CNTNAP2: variants seen among roughly 807,000 people sequenced by gnomAD.
CNTNAP2 encodes contactin associated protein 2, also known as contactin-associated protein-like 2.
A neutral mutation model predicts 155.2 loss-of-function variants in CNTNAP2; 98 were observed. The ratio of observed to expected loss-of-function variants is 0.63; its 90% confidence interval spans 0.54 to 0.75. The LOEUF (loss-of-function observed/expected upper bound fraction) is 0.75. Ranked by LOEUF, CNTNAP2 falls within the 30% of genes least tolerant of loss-of-function variation. The pLI, the probability that CNTNAP2 is intolerant of heterozygous loss-of-function variation, is 0.00. For missense variants in CNTNAP2, 1,727 were observed against 1,688.1 expected, an observed-to-expected ratio of 1.02 and a Z score of -0.40; for synonymous variants, 651 against 631.2, an observed-to-expected ratio of 1.03 and a Z score of -0.47.
intron 11 of CNTNAP2, among the ~76,000 whole-genome samples, chr7:147,508,234 C>T (rs1798948776): frequency 6.6e-6 from 1 of 152,118 alleles, no homozygotes; most frequent in Non-Finnish European, 1.5e-5. Context: ...TCAAGCTTGG[C>T]ATATTGAAAA....
chr7:146,370,281 A>C (rs1294142895), intron 1 of CNTNAP2, among the ~76,000 whole-genome samples: 2 of 145,186 alleles, frequency 1.4e-5, no homozygotes, highest in Non-Finnish European at 3.0e-5. Flanking sequence ...AAAAAAAAAA[A>C]AAAAAAAATT....
chr7:147,543,556 C>A (rs1799676714), intron 11 of CNTNAP2, among the ~76,000 whole-genome samples: 2 of 152,294 alleles, frequency 1.3e-5, no homozygotes, highest in Admixed American at 1.3e-4. Context: ...TTCTGTTTTG[C>A]ATTCTCATTC....
At chr7:148,197,162 A>G (rs1329500525) in intron 18 of CNTNAP2, among the ~76,000 whole-genome samples, 1 of 152,246 alleles carries the variant, frequency 6.6e-6, no homozygotes, top group Non-Finnish European at 1.5e-5. Context: ...TACTTCAAAT[A>G]GCATTCATCA....
At chr7:148,336,392 T>C (rs112511038) in intron 21 of CNTNAP2, among the ~76,000 whole-genome samples, 9 of 152,042 alleles carry the variant, frequency 5.9e-5, no homozygotes, top group African/African-American at 2.2e-4. Flanking sequence ...GCAGTTGATA[T>C]GCTTCTCAGA....
chr7:146,390,102 T>G (rs1795518834), intron 1 of CNTNAP2, among the ~76,000 whole-genome samples: 1 of 152,160 alleles, frequency 6.6e-6, no homozygotes, highest in African/African-American at 2.4e-5. Flanking sequence ...TATTTTACTT[T>G]TAGTAAATAT....
At chr7:147,113,058 T>A (rs1800915143) in intron 5 of CNTNAP2, among the ~76,000 whole-genome samples, 1 of 152,046 alleles carries the variant, frequency 6.6e-6, no homozygotes, top group Non-Finnish European at 1.5e-5. Context: ...CTGCCTCAAT[T>A]TCAGAAGTCA....
intron 1 of CNTNAP2, among the ~76,000 whole-genome samples, chr7:146,130,610 T>TGA (rs1797699978): frequency 6.6e-6 from 1 of 152,238 alleles, no homozygotes. Flanking sequence ...AGCAAGCATT[T>TGA]TGAAGAGGCA....
chr7:146,290,864 A>G (rs891631198), intron 1 of CNTNAP2, among the ~76,000 whole-genome samples: 1 of 152,200 alleles, frequency 6.6e-6, no homozygotes, highest in Non-Finnish European at 1.5e-5. Flanking sequence ...TTGCAGTATC[A>G]ATGCCAAGAA....
In CNTNAP2 at chr7:146,976,874, G is replaced by T. The variant is rs149281560; in HGVS notation, c.403-67033G>T. Among the ~76,000 whole-genome samples, 848 of 152,268 alleles carry T rather than the reference G, an allele frequency of 5.6e-3. 8 individuals carry two copies. The highest frequency in any genetic ancestry group is 0.019 in the African/African-American group (803 of 41,546). ...GCTGTGCAGTATTCTTCTCTCCCAG[G>T]AATGGGGCAGGACTCCTGGAATGGG... is the stretch of plus-strand genomic sequence containing the variant. On this transcript the variant is annotated intron_variant, in intron 3 of 23. Coordinates refer to ENST00000361727, the MANE Select transcript of CNTNAP2 (RefSeq NM_014141.6).
rs398006723 is a variant in CNTNAP2 at position 148,235,685 on chromosome 7, A to ATTTTTT, written c.3381+5920_3381+5925dup. Among the ~76,000 whole-genome samples the ATTTTTT allele has an allele frequency of 1.2e-3, 152 of 121,860 alleles. 1 individual carries two copies. The highest frequency in any genetic ancestry group is 1.7e-3 in the Non-Finnish European group (105 of 61,344). The allele number at this position is 121,860 out of a possible 152,430, so 79.9% of individuals were successfully genotyped here. A position where few individuals can be genotyped will look rare whatever the true frequency, so the allele number is the denominator to read the frequency against. On this transcript the variant is annotated intron_variant, in intron 20 of 23. Transcript: ENST00000361727. ...TGCTCCTTACAGCTGTGCAGCAATT[A>ATTTTTT]TTTTTTTTTTTTTTTTTTTGAGACG...
chr7:146,863,415 G>T (rs1230520993), intron 3 of CNTNAP2, among the ~76,000 whole-genome samples: 1 of 152,066 alleles, frequency 6.6e-6, no homozygotes, highest in Non-Finnish European at 1.5e-5. Flanking sequence ...TCCAAGATAA[G>T]AGGTATGTCT....
chr7:147,769,235 C>T (rs923697050), intron 13 of CNTNAP2, among the ~76,000 whole-genome samples: 1 of 152,140 alleles, frequency 6.6e-6, no homozygotes, highest in Non-Finnish European at 1.5e-5. Flanking sequence ...ATAAACATTA[C>T]AATAACATTT....
rs79346166 is a variant in CNTNAP2, at chr7:146,693,791, C to T, written c.98-80480C>T. On this transcript the variant is annotated intron_variant, in intron 1 of 23. Transcript: ENST00000361727. ...TGTGCAGGTTTGTTGCGTATGTAAA[C>T]GTGTGCCATGGTGGTTTGTAGCACC... Among the ~76,000 whole-genome samples the T allele has an allele frequency of 4.2e-3, 641 of 152,066 alleles. 1 individual carries two copies. The highest frequency in any genetic ancestry group is 0.015 in the African/African-American group (614 of 41,480).
In CNTNAP2 at chr7:146,926,620, A is replaced by C. The variant is rs1796615237; in HGVS notation, c.402+86716A>C. 3.3e-5 allele frequency among the ~76,000 whole-genome samples: 5 copies of C among 152,256 alleles called. No individual in the cohort carries two copies. The South Asian group carries it at 1.0e-3, about 32-fold the overall frequency. On this transcript the variant is annotated intron_variant, in intron 3 of 23. Coordinates refer to ENST00000361727, the MANE Select transcript of CNTNAP2 (RefSeq NM_014141.6). ...ATTACCCAGGCTTGTGATCTCTGAA[A>C]TATTTTGTAGCTTTTGAATGTTATC...
chr7:147,613,454 G>A (rs1801224458), intron 12 of CNTNAP2, among the ~76,000 whole-genome samples: 1 of 152,070 alleles, frequency 6.6e-6, no homozygotes, highest in Non-Finnish European at 1.5e-5. Flanking sequence ...ATTCTTTATG[G>A]CATGTCGATG....
intron 8 of CNTNAP2, among the ~76,000 whole-genome samples, chr7:147,145,265 T>G (rs972569177): frequency 1.3e-5 from 2 of 152,148 alleles, no homozygotes; most frequent in Non-Finnish European, 2.9e-5. Flanking sequence ...TCGGTGGTTC[T>G]CAGCTAGGAG....
intron 12 of CNTNAP2, among the ~76,000 whole-genome samples, chr7:147,596,294 T>C (rs577685045): frequency 1.5e-4 from 23 of 152,312 alleles, no homozygotes; most frequent in African/African-American, 4.1e-4. Flanking sequence ...TAACTTCTAT[T>C]TTTTAAATTT....
intron 3 of CNTNAP2, among the ~76,000 whole-genome samples, chr7:146,982,111 T>C (rs1798029449): frequency 6.6e-6 from 1 of 152,138 alleles, no homozygotes; most frequent in East Asian, 1.9e-4. Context: ...AACATGTAAA[T>C]GGACCATGCA....
intron 9 of CNTNAP2, among the ~76,000 whole-genome samples, chr7:147,370,067 G>A (rs898683587): frequency 9.2e-5 from 14 of 152,106 alleles, no homozygotes; most frequent in African/African-American, 3.1e-4. Context: ...AACATCTTCC[G>A]TATTTCCTAC....
Sources: allele counts gnomAD v4.1 joint callset (sites outside exome capture counted in the v4.1 genomes callset), GRCh38; gene constraint gnomAD v4.1.1; transcripts MANE v1.5; gene names NCBI Gene and HGNC (gene_info 2026-07-23, HGNC 2026-07-21).